The following PPP2R1B variants were observed in gnomAD, a reference collection of about 807,000 sequenced individuals.
PPP2R1B encodes protein phosphatase 2 scaffold subunit Abeta, also known as serine/threonine-protein phosphatase 2A 65 kDa regulatory subunit A beta isoform.
Under a neutral mutation model 72.7 loss-of-function variants are expected in PPP2R1B, and 58 were observed. The observed-to-expected ratio is 0.80, with a 90% CI of 0.65 to 0.99. The LOEUF is 0.99. Among genes scored for constraint, PPP2R1B ranks in the 50% least tolerant of loss-of-function variants. The pLI, the probability that PPP2R1B is intolerant of heterozygous loss-of-function variation, is 0.00. For missense variants in PPP2R1B, 695 were observed against 733.6 expected (o/e 0.95, Z 0.61); for synonymous variants, 256 against 264.6 (o/e 0.97, Z 0.32).
chr11:111,761,119 CT>C (rs1364406892), intron 3 of PPP2R1B, 68 bp from the exon 4 acceptor site: 13 of 1,327,788 alleles, frequency 9.8e-6, no homozygotes, highest in African/African-American at 1.4e-5. Flanking sequence ...AGATAATCAC[CT>C]TTTAAAGTGA....
At chr11:111,711,289 T>C in the PPP2R1B span, among the ~76,000 whole-genome samples, 2 of 151,984 alleles carry the variant, frequency 1.3e-5, no homozygotes, top group African/African-American at 4.8e-5. Flanking sequence ...CAGCTAATTT[T>C]TTTTTGTATT....
intron 10 of PPP2R1B, 35 bp from the exon 11 acceptor site, chr11:111,748,049 C>G (rs781825227): frequency 7.0e-6 from 11 of 1,581,412 alleles, no homozygotes; most frequent in Admixed American, 3.4e-5. Context: ...ACATACATTG[C>G]CAAAATTCAG....
In PPP2R1B at chr11:111,766,379, T is replaced by A. The variant is rs1349303544; in HGVS notation, c.-18A>T. 2.0e-6 allele frequency: 1 copy of A among 492,714 alleles called. No individual in the cohort carries two copies. 30.5% of individuals were successfully genotyped at this position (492,714 alleles called of 1,614,324 possible). On this transcript the variant is annotated 5_prime_UTR_variant, in exon 1 of 15. Coordinates refer to ENST00000527614, the MANE Select transcript of PPP2R1B (RefSeq NM_002716.5). ...CCCGCCATGTTCTTTCTCCTCCTGC[T>A]GCTGGTCACCGCCTCCCGCCCCGCG...
the PPP2R1B span, among the ~76,000 whole-genome samples, chr11:111,692,776 C>A: frequency 6.6e-6 from 1 of 151,900 alleles, no homozygotes; most frequent in Non-Finnish European, 1.5e-5. Flanking sequence ...ATTACAAGAA[C>A]CCTTACAAAG....
the PPP2R1B span, among the ~76,000 whole-genome samples, chr11:111,693,873 T>TATG: frequency 1.3e-5 from 2 of 152,156 alleles, no homozygotes; most frequent in African/African-American, 4.8e-5. Flanking sequence ...TAGGTCAGAG[T>TATG]ATGGGCTGTG....
chr11:111,755,231 G>A, intron 6 of PPP2R1B, 64 bp downstream of exon 6: 2 of 1,549,352 alleles, frequency 1.3e-6, no homozygotes, highest in Middle Eastern at 1.7e-4. Context: ...GAAACTTTGG[G>A]TACAACAGCA....
chr11:111,761,088 T>G, intron 3 of PPP2R1B, 37 bp from the exon 4 acceptor site: 1 of 1,544,254 alleles, frequency 6.5e-7, no homozygotes, highest in Non-Finnish European at 8.9e-7. Flanking sequence ...AGAAGAAAAC[T>G]TATTGAATCA....
rs754716979 is a variant in PPP2R1B, at chr11:111,742,667, T to C, written c.1555-2A>G. ...CTGACCACAGGCCTCAGACAGTGCC[T>C]AGAAAAATAAGTAAGATGGCACATT... On this transcript the variant is annotated splice_acceptor_variant, in intron 12 of 14. Coordinates refer to ENST00000527614, the MANE Select transcript of PPP2R1B (RefSeq NM_002716.5). LOFTEE classifies it high-confidence loss of function. The C allele has an allele frequency of 1.2e-5, 19 of 1,594,068 alleles. No individual in the cohort carries two copies. In the Admixed American group the frequency reaches 2.4e-4, roughly 20 times the overall value.
chr11:111,742,315 T>G, intron 13 of PPP2R1B, 171 bp from the exon 14 acceptor site: 1 of 610,316 alleles, frequency 1.6e-6, no homozygotes, highest in Non-Finnish European at 2.5e-6. Context: ...CAAAATCAGC[T>G]TCAGACAAGG....
At chr11:111,723,369 C>G, downstream of PPP2R1B, 1 of 1,033,860 alleles carries the variant, frequency 9.7e-7, no homozygotes, top group Non-Finnish European at 1.4e-6. Context: ...CCCATTCCCA[C>G]TTGTTTTTGC....
chr11:111,760,017 C>T lies in PPP2R1B; in HGVS notation c.540-66G>A, dbSNP rs1019652192. 137 of 1,491,696 alleles carry T rather than the reference C, an allele frequency of 9.2e-5. 1 individual carries two copies. The highest frequency in any genetic ancestry group is 9.3e-5 in the East Asian group (4 of 43,058). The allele number at this position is 1,491,696 out of a possible 1,614,324, so 92.4% of individuals were successfully genotyped here. A position where few individuals can be genotyped will look rare whatever the true frequency, so the allele number is the denominator to read the frequency against. ...ACTGAATAAACCTGCCCCCCATACA[C>T]ACAGACAGACTTTTAGAGGTTTTAT... On this transcript the variant is annotated intron_variant, in intron 4 of 14. Coordinates refer to ENST00000527614, the MANE Select transcript of PPP2R1B (RefSeq NM_002716.5).
the PPP2R1B span, among the ~76,000 whole-genome samples, chr11:111,691,077 C>A: frequency 6.6e-6 from 1 of 152,176 alleles, no homozygotes; most frequent in Non-Finnish European, 1.5e-5. Context: ...CAGAATATTG[C>A]TTTGACGTTA....
intron 15 of PPP2R1B, chr11:111,728,565 AG>A (rs1944055481): frequency 6.6e-6 from 1 of 152,064 alleles, no homozygotes; most frequent in African/African-American, 2.4e-5. Context: ...CTGGGATTAC[AG>A]GTGTGAGCCA....
chr11:111,736,047 C>T (rs1944331496), downstream of PPP2R1B, among the ~76,000 whole-genome samples: 1 of 152,148 alleles, frequency 6.6e-6, no homozygotes, highest in South Asian at 2.1e-4. Context: ...GGCCTAGCAC[C>T]ACTGGGCCTC....
In PPP2R1B at chr11:111,754,568, T is replaced by A. The variant is rs1201801351; in HGVS notation, c.960A>T (p.Glu320Asp). Residue 320 changes from glutamate to aspartate, a missense_variant and splice_region_variant, in exon 8 of 15, where the codon GAA becomes GAT. Coordinates refer to ENST00000527614, the MANE Select transcript of PPP2R1B (RefSeq NM_002716.5). ...VRAAAAHKVKELGENLPIEDR... is the reference protein window; with the variant it reads ...VRAAAAHKVKDLGENLPIEDR... ...CTTCAATGGGCAAGTTCTCACCAAG[T>A]TCTAAAAGATAAATAGAAAAAAAGA... 6.3e-7 allele frequency: 1 copy of A among 1,597,948 alleles called. No homozygotes were observed. Among genetic ancestry groups the A allele is most frequent in the African/African-American group, 1.4e-5 (1 of 73,802 alleles).
At chr11:111,722,855 G>A (rs576683621), downstream of PPP2R1B, 29 of 1,109,602 alleles carry the variant, frequency 2.6e-5, no homozygotes, top group African/African-American at 3.6e-4. This position sits in a 1 kb window ranked among gnomAD's most constrained non-coding sequence, Gnocchi z 4.4. Flanking sequence ...GCCACTACTA[G>A]GAAAATAGGT....
rs782635142 is a variant in PPP2R1B at position 111,752,249 on chromosome 11, G to C, written c.1248C>G (p.Leu416=). The C allele has an allele frequency of 6.2e-7, 1 of 1,614,114 alleles. No individual in the cohort carries two copies. The highest frequency in any genetic ancestry group is 8.5e-7 in the Non-Finnish European group (1 of 1,179,998). Residue 416 remains leucine, a synonymous_variant, in exon 10 of 15, where the codon CTC becomes CTG. Coordinates refer to ENST00000527614, the MANE Select transcript of PPP2R1B (RefSeq NM_002716.5). ...CTGCCAGCTCCACTATGGCAGGAAG[G>C]AGAGACTGAGAGAGCTGACGGATTC... ...VIGIRQLSQS[L]LPAIVELAED...
rs1168686627 is a variant in PPP2R1B, at chr11:111,739,592, G to C, written c.*2004C>G. On this transcript the variant is annotated 3_prime_UTR_variant, in exon 15 of 15. Coordinates refer to ENST00000527614, the MANE Select transcript of PPP2R1B (RefSeq NM_002716.5). ...TTTAGGGTAGAGAAGTCAATGCTTA[G>C]GGCTCCTCACTGGGAGACACAAGGG... 4.6e-5 allele frequency: 45 copies of C among 985,340 alleles called. No homozygotes were observed. The highest frequency in any genetic ancestry group is 5.4e-5 in the Non-Finnish European group (45 of 829,952). The allele number at this position is 985,340 out of a possible 1,614,324, so 61.0% of individuals were successfully genotyped here.
downstream of PPP2R1B, chr11:111,723,353 T>G (rs564601): frequency 3.6e-6 from 3 of 833,086 alleles, no homozygotes; most frequent in Non-Finnish European, 5.5e-6. Context: ...CCCAACACAA[T>G]TGGTTCCCAT....
Sources: gnomAD v4.1 joint callset for allele counts (sites outside exome capture counted in the v4.1 genomes callset) on GRCh38, gnomAD v4.1.1 for gene constraint, Gnocchi (gnomAD v3.1) non-coding constraint, MANE v1.5 for transcripts, NCBI Gene and HGNC (gene_info 2026-07-23, HGNC 2026-07-21) for gene names.